The following ZNF365 variants were observed in gnomAD, a reference collection of about 807,000 sequenced individuals.
ZNF365 encodes the protein protein ZNF365.
A neutral mutation model predicts 35.0 loss-of-function variants in ZNF365; 22 were observed. The observed-to-expected ratio is 0.63, with a 90% CI of 0.45 to 0.90. The LOEUF (loss-of-function observed/expected upper bound fraction) is 0.90. Among genes scored for constraint, ZNF365 ranks in the 40% least tolerant of loss-of-function variants. The pLI, the probability that ZNF365 is intolerant of heterozygous loss-of-function variation, is 0.00. For synonymous variants in ZNF365, 188 were observed against 196.2 expected, an observed-to-expected ratio of 0.96 and a Z score of 0.35; for missense variants, 448 against 500.3, an observed-to-expected ratio of 0.90 and a Z score of 1.00.
Position 62,408,711 on chromosome 10 carries a change from C to T in ZNF365, c.924+20135C>T, listed in dbSNP as rs187569099. 1.4e-4 allele frequency among the ~76,000 whole-genome samples: 22 copies of T among 152,110 alleles called. No individual in the cohort carries two copies. In the East Asian group the frequency reaches 4.2e-3, roughly 29 times the overall value. On this transcript the variant is annotated intron_variant, in intron 3 of 4. Transcript: ENST00000395255. The stretch of plus-strand genomic sequence containing the variant: ...ATATATGGGCCAGTAAATAAGATTC[C>T]CCTCCCAAGTTATGAATTAACCAAT...
chr10:62,454,324 C>T (rs1240175047), intron 3 of ZNF365, among the ~76,000 whole-genome samples: 1 of 152,152 alleles, frequency 6.6e-6, no homozygotes, highest in Non-Finnish European at 1.5e-5. Context: ...ACCAGTAATT[C>T]CCAAACTGTG....
chr10:62,469,743 T>C (rs1191035135), intron 4 of ZNF365, among the ~76,000 whole-genome samples: 1 of 152,184 alleles, frequency 6.6e-6, no homozygotes, highest in Non-Finnish European at 1.5e-5. Flanking sequence ...AAGCACTTTA[T>C]AGAAACTATC....
chr10:62,457,208 C>T (rs1354733234), intron 3 of ZNF365, among the ~76,000 whole-genome samples: 1 of 152,228 alleles, frequency 6.6e-6, no homozygotes, highest in Non-Finnish European at 1.5e-5. Context: ...TGTGTCATGT[C>T]TGCTAACATC....
intron 3 of ZNF365, among the ~76,000 whole-genome samples, chr10:62,397,731 C>A (rs1056941007): frequency 6.6e-6 from 1 of 152,126 alleles, no homozygotes; most frequent in Non-Finnish European, 1.5e-5. Context: ...TCTTCATATT[C>A]TCTCATTTTA....
chr10:62,406,207 C>G (rs1039053369), downstream of ZNF365, among the ~76,000 whole-genome samples: 1 of 152,172 alleles, frequency 6.6e-6, no homozygotes, highest in Non-Finnish European at 1.5e-5. Flanking sequence ...GAGAGCAGAG[C>G]TCTCTCCATG....
At chr10:62,375,144 T>C (rs1364841390) in intron 1 of ZNF365, among the ~76,000 whole-genome samples, 3 of 152,300 alleles carry the variant, frequency 2.0e-5, no homozygotes, top group Non-Finnish European at 4.4e-5. Context: ...AAACCTTTCA[T>C]GGAGGAATAG....
Position 62,393,243 on chromosome 10 carries a change from A to G in ZNF365, c.924+4667A>G, listed in dbSNP as rs568768698. 6.6e-5 allele frequency among the ~76,000 whole-genome samples: 10 copies of G among 152,350 alleles called. No homozygotes were observed. The South Asian group carries it at 1.4e-3, about 22-fold the overall frequency. ...GTTTTACAGATAACATTTTATTTTT[A>G]TAGAACAGGTACAGTCTAAAATAGA... On this transcript the variant is annotated intron_variant, in intron 3 of 4. Coordinates refer to ENST00000395254, the MANE Select transcript of ZNF365 (RefSeq NM_014951.3).
intron 3 of ZNF365, among the ~76,000 whole-genome samples, chr10:62,424,877 G>T (rs2132450871): frequency 1.3e-5 from 2 of 152,268 alleles, no homozygotes; most frequent in Middle Eastern, 6.8e-3. Context: ...AAACGTTTTT[G>T]CTGGATACCT....
intron 3 of ZNF365, among the ~76,000 whole-genome samples, chr10:62,420,194 TG>T (rs1840144626): frequency 6.6e-6 from 1 of 152,232 alleles, no homozygotes; most frequent in Admixed American, 6.5e-5. Flanking sequence ...TTTCCTTTTT[TG>T]TATTGACATT....
At chr10:62,383,169 G>T (rs1410559872) in intron 2 of ZNF365, among the ~76,000 whole-genome samples, 2 of 152,208 alleles carry the variant, frequency 1.3e-5, no homozygotes, top group African/African-American at 4.8e-5. Flanking sequence ...CAGCAGAAAT[G>T]CATTAATCCT....
rs1037695008 is a variant in ZNF365 at position 62,400,652 on chromosome 10, C to T, written c.*863C>T. On this transcript the variant is annotated 3_prime_UTR_variant, in exon 5 of 5. Transcript: ENST00000395254. Reference sequence around the variant, plus strand: ...ACTGCACGCTTGGTGCATCGTGCATCGTGACCATCCTGGAAGCACTGCGGG... The same window carrying T: ...ACTGCACGCTTGGTGCATCGTGCATTGTGACCATCCTGGAAGCACTGCGGG... 5 of 985,576 alleles carry T rather than the reference C, an allele frequency of 5.1e-6. No individual in the cohort carries two copies. Among genetic ancestry groups the T allele is most frequent in the South Asian group, 4.7e-5 (1 of 21,286 alleles). The allele number at this position is 985,576 out of a possible 1,614,324, so 61.1% of individuals were successfully genotyped here. A position where few individuals can be genotyped will look rare whatever the true frequency, so the allele number is the denominator to read the frequency against.
At chr10:62,464,227 T>A (rs1188121372) in intron 4 of ZNF365, among the ~76,000 whole-genome samples, 1 of 152,218 alleles carries the variant, frequency 6.6e-6, no homozygotes, top group Non-Finnish European at 1.5e-5. Context: ...CTAATTCTTA[T>A]TCATGCTTAC....
Position 62,401,571 on chromosome 10 carries a change from ATTGTAAAAATTGT to A in ZNF365, c.*1783_*1795del. The A allele has an allele frequency of 1.0e-6, 1 of 984,732 alleles. No homozygotes were observed. 61.0% of individuals were successfully genotyped at this position (984,732 alleles called of 1,614,324 possible). On this transcript the variant is annotated 3_prime_UTR_variant, in exon 5 of 5. Transcript: ENST00000395254. The stretch of plus-strand genomic sequence containing the variant: ...TGTGAATAGCACTGTTTAGGCTAAC[ATTGTAAAAATTGT>A]AATGTTATAATTATTATTTATTTGG...
rs537144154 is a variant in ZNF365 at position 62,449,997 on chromosome 10, G to T, written c.925-9744G>T. Among the ~76,000 whole-genome samples the T allele has an allele frequency of 2.0e-5, 3 of 151,950 alleles. No individual in the cohort carries two copies. The South Asian group carries it at 6.2e-4, about 32-fold the overall frequency. Reference sequence around the variant, plus strand: ...AAGCACAGAAAAGAGTGTAGGCTGGGTGCAGTGACTCACACCTGCAATCTC... The same window carrying T: ...AAGCACAGAAAAGAGTGTAGGCTGGTTGCAGTGACTCACACCTGCAATCTC... On this transcript the variant is annotated intron_variant, in intron 3 of 4. Transcript: ENST00000395255.
downstream of ZNF365, among the ~76,000 whole-genome samples, chr10:62,403,515 G>A (rs1012379709): frequency 2.0e-5 from 3 of 152,084 alleles, no homozygotes; most frequent in Admixed American, 6.6e-5. Context: ...AAAATTAGCC[G>A]GGCGCAGTGG....
In ZNF365 at chr10:62,471,095, C is replaced by G. The variant is rs13376846; in HGVS notation, c.982-8781C>G. Among the ~76,000 whole-genome samples, 691 of 151,956 alleles carry G rather than the reference C, an allele frequency of 4.5e-3. 5 individuals carry two copies. Among genetic ancestry groups the G allele is most frequent in the African/African-American group, 0.014 (585 of 41,452 alleles). On this transcript the variant is annotated intron_variant, in intron 4 of 4. Transcript: ENST00000395255. ...CAAATAGGTAATCTAGGCCGGGTGCCGTGGCTCACTCCTGTAAGCCCAGCA... is the reference window on the plus strand; with the variant it reads ...CAAATAGGTAATCTAGGCCGGGTGCGGTGGCTCACTCCTGTAAGCCCAGCA...
At chr10:62,427,235 A>G (rs1840264067) in intron 3 of ZNF365, among the ~76,000 whole-genome samples, 1 of 152,214 alleles carries the variant, frequency 6.6e-6, no homozygotes. Context: ...TTGGTCAACA[A>G]TGGACCTCAT....
chr10:62,416,124 ATTCTAT>A (rs1460621696), intron 3 of ZNF365, among the ~76,000 whole-genome samples: 1 of 151,954 alleles, frequency 6.6e-6, no homozygotes, highest in Admixed American at 6.6e-5. Context: ...TCACCTTTGC[ATTCTAT>A]TTCTTAGATT....
intron 3 of ZNF365, among the ~76,000 whole-genome samples, chr10:62,452,133 G>A (rs146282056): frequency 6.6e-6 from 1 of 152,258 alleles, no homozygotes. Flanking sequence ...CTTCATTGCT[G>A]CATCACATTA....
Sources: allele counts gnomAD v4.1 joint callset (sites outside exome capture counted in the v4.1 genomes callset), GRCh38; gene constraint gnomAD v4.1.1; transcripts MANE v1.5; gene names NCBI Gene and HGNC (gene_info 2026-07-23, HGNC 2026-07-21).